The following NSD1 variants were observed in gnomAD, a reference collection of about 807,000 sequenced individuals.
The protein encoded by NSD1 is histone-lysine N-methyltransferase, H3 lysine-36 specific.
NSD1 carries 26 observed loss-of-function variants against 242.7 expected under a neutral mutation model. The ratio of observed to expected loss-of-function variants is 0.11; its 90% confidence interval spans 0.08 to 0.15. NSD1 has a LOEUF of 0.15. Ranked by LOEUF, NSD1 falls within the 10% of genes least tolerant of loss-of-function variation. The pLI, the probability that NSD1 is intolerant of heterozygous loss-of-function variation, is 1.00. For synonymous variants in NSD1, 1,106 were observed against 1,178.1 expected (o/e 0.94, Z 1.25); for missense variants, 2,495 against 3,272.8 (o/e 0.76, Z 5.80).
At chr5:177,271,342 T>A (rs542977380) in intron 16 of NSD1, among the ~76,000 whole-genome samples, 1 of 152,142 alleles carries the variant, frequency 6.6e-6, no homozygotes, top group Non-Finnish European at 1.5e-5. Flanking sequence ...ATAGTTAGCA[T>A]TTTTGTTTGC....
chr5:177,215,688 T>C (rs1763716263), intron 5 of NSD1, among the ~76,000 whole-genome samples: 2 of 151,876 alleles, frequency 1.3e-5, no homozygotes, highest in African/African-American at 4.8e-5. Flanking sequence ...TACAGTGGTT[T>C]TGCCATGTTA....
At chr5:177,276,851 C>T (rs1358301556) in intron 17 of NSD1, among the ~76,000 whole-genome samples, 1 of 152,186 alleles carries the variant, frequency 6.6e-6, no homozygotes, top group Non-Finnish European at 1.5e-5. Context: ...AAGTCATAAA[C>T]TGTTAATCCT....
At chr5:177,188,325 GTTTA>G (rs1761397432) in intron 2 of NSD1, among the ~76,000 whole-genome samples, 2 of 152,102 alleles carry the variant, frequency 1.3e-5, no homozygotes, top group Admixed American at 6.6e-5. Flanking sequence ...CTGTTTCTAA[GTTTA>G]TTTATTAAGA....
At chr5:177,199,579 ATTTTCTTTTCTTTTC>A (rs372397508) in intron 3 of NSD1, among the ~76,000 whole-genome samples, 70 of 127,814 alleles carry the variant, frequency 5.5e-4, no homozygotes, top group Admixed American at 9.7e-4. Context: ...TCAACTTAAT[ATTTTCTTTTCTTTTC>A]TTTTCTTTTC....
intron 2 of NSD1, chr5:177,136,304 CAA>C (rs1157707726): frequency 2.8e-5 from 10 of 354,008 alleles, no homozygotes; most frequent in Non-Finnish European, 5.2e-5. Flanking sequence ...TTTAATTTCT[CAA>C]GTTGGAGGTA....
chr5:177,153,468 A>C (rs953773032), intron 2 of NSD1, among the ~76,000 whole-genome samples: 1 of 151,690 alleles, frequency 6.6e-6, no homozygotes, highest in Non-Finnish European at 1.5e-5. Flanking sequence ...AATGATTTCT[A>C]CTTGTTTACT....
intron 11 of NSD1, among the ~76,000 whole-genome samples, chr5:177,250,727 C>T (rs952508571): frequency 1.3e-5 from 2 of 152,090 alleles, no homozygotes; most frequent in African/African-American, 4.8e-5. Flanking sequence ...CCTGAGTTCC[C>T]CTATCAATTC....
At chr5:177,132,723 C>T (rs1344706349), upstream of NSD1, among the ~76,000 whole-genome samples, 11 of 151,828 alleles carry the variant, frequency 7.2e-5, no homozygotes, top group South Asian at 1.4e-3. The surrounding 1 kb of genome is among the most constrained non-coding windows in gnomAD (Gnocchi z 7.5). Context: ...CACGGCCGGG[C>T]GAGCAGTGCC....
chr5:177,296,983 A>C lies in NSD1; in HGVS notation c.*1524A>C, dbSNP rs1337689011. ...TTATGGCTTTCACGCTCTCAATAGG[A>C]TTCTGTATTTGGTCCCAATTTCCTC... On this transcript the variant is annotated 3_prime_UTR_variant, in exon 23 of 23. Coordinates refer to ENST00000439151, the MANE Select transcript of NSD1 (RefSeq NM_022455.5). The C allele has an allele frequency of 4.3e-6, 1 of 233,124 alleles. No homozygotes were observed. Among genetic ancestry groups the C allele is most frequent in the African/African-American group, 2.2e-5 (1 of 45,322 alleles). The allele number at this position is 233,124 out of a possible 1,614,324, so 14.4% of individuals were successfully genotyped here.
At chr5:177,289,866 T>C (rs370582490) in intron 21 of NSD1, among the ~76,000 whole-genome samples, 60 of 151,642 alleles carry the variant, frequency 4.0e-4, no homozygotes, top group East Asian at 7.7e-4. Flanking sequence ...CTCGCTCTGT[T>C]GCCCAGGCTG....
chr5:177,181,427 G>GTTGTTTTTTTTTTT (rs1554183366), intron 2 of NSD1, among the ~76,000 whole-genome samples: 1 of 117,334 alleles, frequency 8.5e-6, no homozygotes, highest in African/African-American at 3.7e-5. Flanking sequence ...TTTTTTTTTG[G>GTTGTTTTTTTTTTT]TTTTTTTTTT....
Position 177,294,914 on chromosome 5 carries a change from T to C in NSD1, c.7546T>C (p.Ser2516Pro). Residue 2516 changes from serine (S) to proline (P), a missense_variant, in exon 23 of 23, where the codon TCT (serine) becomes CCT (proline). This residue lies in a region of NSD1 where 475 missense variants were observed against 563.7 expected (regional missense o/e 0.84). Coordinates refer to ENST00000439151, the MANE Select transcript of NSD1 (RefSeq NM_022455.5). ...KGCVSDPLQT[S>P]GKAAAPSEDP... ...CTGTGTGTCAGATCCTCTTCAGACA[T>C]CTGGGAAAGCAGCAGCCCCTTCAGA... The C allele has an allele frequency of 1.2e-6, 2 of 1,614,144 alleles. No individual in the cohort carries two copies. The highest frequency in any genetic ancestry group is 1.7e-6 in the Non-Finnish European group (2 of 1,180,012).
Position 177,294,438 on chromosome 5 carries a change from C to T in NSD1, c.7070C>T (p.Ala2357Val), listed in dbSNP as rs2127281050. The T allele has an allele frequency of 6.2e-7, 1 of 1,614,208 alleles. No homozygotes were observed. Among genetic ancestry groups the T allele is most frequent in the Non-Finnish European group, 8.5e-7 (1 of 1,180,040 alleles). ...SQPLERPLGT[A>V]DPRLDKSIGA... ...CCACTGGAAAGACCTCTGGGGACGG[C>T]TGACCCAAGGCTGGATAAATCCATA... The change falls in exon 23 of 23, where the codon GCT becomes GTT. Residue 2357 changes from alanine to valine, a missense_variant. Physicochemically the swap from Ala to Val is moderately conservative, Grantham distance 64. Coordinates refer to ENST00000439151, the MANE Select transcript of NSD1 (RefSeq NM_022455.5).
Position 177,135,245 on chromosome 5 carries a change from A to T in NSD1, c.142A>T (p.Met48Leu). The change falls in exon 2 of 23, where the codon ATG becomes TTG. Residue 48 changes from methionine (M) to leucine (L), a missense_variant. Transcript: ENST00000439151. ...TTCTGAGCCACTTAATGGGTGTACTATGCAGTTATCGACTGTCAGTGGAAC... is the reference window on the plus strand; with the variant it reads ...TTCTGAGCCACTTAATGGGTGTACTTTGCAGTTATCGACTGTCAGTGGAAC... ...NFSEPLNGCT[M>L]QLSTVSGTSQ... The T allele has an allele frequency of 6.2e-7, 1 of 1,613,856 alleles. No individual in the cohort carries two copies. The highest frequency in any genetic ancestry group is 8.5e-7 in the Non-Finnish European group (1 of 1,179,754).
At chr5:177,148,772 CTG>C (rs2149773761) in intron 2 of NSD1, among the ~76,000 whole-genome samples, 1 of 152,286 alleles carries the variant, frequency 6.6e-6, no homozygotes, top group South Asian at 2.1e-4. Context: ...TCCCTAGTGT[CTG>C]TACCATTTAC....
chr5:177,216,561 GTT>G (rs1763787813), intron 5 of NSD1, among the ~76,000 whole-genome samples: 1 of 151,084 alleles, frequency 6.6e-6, no homozygotes, highest in Non-Finnish European at 1.5e-5. Flanking sequence ...TGCATATCCA[GTT>G]TTCACAATAC....
intron 5 of NSD1, among the ~76,000 whole-genome samples, chr5:177,224,667 A>G (rs1224870068): frequency 2.7e-5 from 4 of 149,592 alleles, no homozygotes; most frequent in African/African-American, 9.9e-5. Context: ...TTTCTAATCT[A>G]GTTGCCCTTT....
At chr5:177,149,967 T>TA (rs949583655) in intron 2 of NSD1, among the ~76,000 whole-genome samples, 4 of 151,992 alleles carry the variant, frequency 2.6e-5, no homozygotes, top group African/African-American at 9.7e-5. Context: ...GAGACAGTCT[T>TA]ACTCTGTCAC....
chr5:177,293,700 G>C (rs891333231), intron 22 of NSD1, 132 bp from the exon 23 acceptor site: 6 of 943,334 alleles, frequency 6.4e-6, no homozygotes, highest in African/African-American at 4.8e-5. Flanking sequence ...CTGGTGAGTG[G>C]CATAAGCTCT....
Sources: allele counts gnomAD v4.1 joint callset (sites outside exome capture counted in the v4.1 genomes callset), GRCh38; gene constraint gnomAD v4.1.1; regional missense constraint gnomAD v4.1.1; non-coding constraint Gnocchi (gnomAD v3.1); transcripts MANE v1.5; gene names NCBI Gene and HGNC (gene_info 2026-07-23, HGNC 2026-07-21).